Variants in SUGP1 observed in about 807,000 individuals in gnomAD.
SUGP1 encodes SURP and G-patch domain containing 1, also known as SURP and G-patch domain-containing protein 1.
In SUGP1, 34 loss-of-function variants were observed where a neutral mutation model predicts 76.5. That is an observed-to-expected ratio of 0.44 (90% CI 0.34 to 0.59). The LOEUF (loss-of-function observed/expected upper bound fraction) is 0.59. Ranked by LOEUF, SUGP1 falls within the 20% of genes least tolerant of loss-of-function variation. The pLI is 0.01. For synonymous variants in SUGP1, 326 were observed against 326.2 expected (o/e 1.00, Z 0.01); for missense variants, 752 against 851.7 (o/e 0.88, Z 1.46).
chr19:19,282,624 A>T (rs896731032), intron 8 of SUGP1, among the ~76,000 whole-genome samples: 14 of 152,258 alleles, frequency 9.2e-5, no homozygotes, highest in African/African-American at 3.1e-4. Flanking sequence ...ACTAGATATT[A>T]CAGTTGACCT....
chr19:19,279,742 C>CT (rs2061082830), intron 9 of SUGP1, among the ~76,000 whole-genome samples: 1 of 152,220 alleles, frequency 6.6e-6, no homozygotes. Context: ...GGGGAGCCAA[C>CT]ACCGACACTG....
chr19:19,309,094 T>C (rs551233934), intron 3 of SUGP1, among the ~76,000 whole-genome samples: 1 of 152,194 alleles, frequency 6.6e-6, no homozygotes, highest in East Asian at 2.0e-4. Context: ...CTCGAACTCC[T>C]GACCTCAGGT....
intron 2 of SUGP1, 70 bp downstream of exon 2, chr19:19,316,352 G>C (rs1366674720): frequency 6.3e-7 from 1 of 1,580,684 alleles, no homozygotes; most frequent in Non-Finnish European, 8.6e-7. Flanking sequence ...GCCCTCACAA[G>C]CCAAACCCTG....
intron 8 of SUGP1, among the ~76,000 whole-genome samples, chr19:19,293,976 G>A (rs1448518726): frequency 2.0e-5 from 3 of 151,708 alleles, no homozygotes; most frequent in Non-Finnish European, 4.4e-5. Context: ...TTTGAGGCCA[G>A]CAGTTTGAGA....
intron 9 of SUGP1, 125 bp downstream of exon 9, chr19:19,280,060 G>A: frequency 3.2e-6 from 3 of 931,876 alleles, no homozygotes; most frequent in Middle Eastern, 4.8e-4. Flanking sequence ...GCTGGCCATG[G>A]GTTCCACCTG....
At chr19:19,293,061 C>T (rs1254122346) in intron 8 of SUGP1, among the ~76,000 whole-genome samples, 1 of 151,886 alleles carries the variant, frequency 6.6e-6, no homozygotes, top group East Asian at 2.0e-4. Flanking sequence ...CGTGTGCCAC[C>T]ACACCCAGCT....
At chr19:19,278,265 C>T (rs1032692632) in intron 11 of SUGP1, among the ~76,000 whole-genome samples, 1 of 152,108 alleles carries the variant, frequency 6.6e-6, no homozygotes, top group African/African-American at 2.4e-5. Context: ...GGTTATCAGG[C>T]CCTGAACAGT....
At chr19:19,308,669 T>G (rs1192255563) in intron 3 of SUGP1, among the ~76,000 whole-genome samples, 1 of 152,272 alleles carries the variant, frequency 6.6e-6, no homozygotes, top group Non-Finnish European at 1.5e-5. Context: ...AAACCCTGTA[T>G]GCAGAAGACC....
intron 12 of SUGP1, 133 bp downstream of exon 12, chr19:19,277,601 G>T (rs903028230): frequency 8.3e-6 from 10 of 1,202,162 alleles, no homozygotes; most frequent in Admixed American, 2.3e-5. Flanking sequence ...CTGACAAGGG[G>T]TGTGCAGTGG....
intron 1 of SUGP1, among the ~76,000 whole-genome samples, chr19:19,320,042 A>G (rs1639154031): frequency 6.6e-6 from 1 of 152,224 alleles, no homozygotes; most frequent in South Asian, 2.1e-4. Flanking sequence ...AAGACGCGGG[A>G]AAGTGTGTCA....
Position 19,282,231 on chromosome 19 carries a change from T to C in SUGP1, c.1244-1940A>G, listed in dbSNP as rs1280141572. ...CTGACCTCAGGCGATCTGCCCACCT[T>C]GGCCTCCCAAAGTGCTGGGATTACA... is the stretch of plus-strand genomic sequence containing the variant. On this transcript the variant is annotated intron_variant, in intron 8 of 13. Coordinates refer to ENST00000247001, the MANE Select transcript of SUGP1 (RefSeq NM_172231.4). Among the ~76,000 whole-genome samples, 5 of 152,014 alleles carry C rather than the reference T, an allele frequency of 3.3e-5. No homozygotes were observed. The South Asian group carries it at 1.0e-3, about 32-fold the overall frequency.
chr19:19,300,857 A>C (rs756930854), intron 7 of SUGP1, among the ~76,000 whole-genome samples: 1 of 152,070 alleles, frequency 6.6e-6, no homozygotes, highest in African/African-American at 2.4e-5. Flanking sequence ...GGCCACCTGC[A>C]CCAATAGCAT....
intron 1 of SUGP1, 89 bp from the exon 2 acceptor site, chr19:19,316,682 C>T: frequency 7.1e-7 from 1 of 1,402,682 alleles, no homozygotes; most frequent in Non-Finnish European, 9.8e-7. Flanking sequence ...AACTGATGTT[C>T]AGATTAATTT....
intron 3 of SUGP1, among the ~76,000 whole-genome samples, chr19:19,306,821 C>T (rs1389692298): frequency 6.6e-6 from 1 of 152,194 alleles, no homozygotes; most frequent in African/African-American, 2.4e-5. Flanking sequence ...CAGGTGAGGA[C>T]CTGGAGACCA....
intron 10 of SUGP1, among the ~76,000 whole-genome samples, 198 bp downstream of exon 10, chr19:19,279,015 C>G (rs2061075767): frequency 6.6e-6 from 1 of 152,180 alleles, no homozygotes; most frequent in African/African-American, 2.4e-5. Context: ...GTCAGGACTG[C>G]TCCTTTTCAC....
At chr19:19,281,987 T>A (rs2061102322) in intron 8 of SUGP1, among the ~76,000 whole-genome samples, 1 of 152,170 alleles carries the variant, frequency 6.6e-6, no homozygotes, top group Non-Finnish European at 1.5e-5. Context: ...GAACTTTCTT[T>A]CATTTTTCCC....
chr19:19,290,619 G>A lies in SUGP1; in HGVS notation c.1243+6370C>T, dbSNP rs552328171. ...AGATTGTGCCACTGCACTCCAGCCC[G>A]GATAAAAGAGCAAGACTCTGTCTCA... On this transcript the variant is annotated intron_variant, in intron 8 of 13. Transcript: ENST00000247001. Among the ~76,000 whole-genome samples, 20 of 151,852 alleles carry A rather than the reference G, an allele frequency of 1.3e-4. 1 individual carries two copies. The East Asian group carries it at 2.5e-3, about 19-fold the overall frequency.
At chr19:19,283,517 C>T (rs888251154) in intron 8 of SUGP1, among the ~76,000 whole-genome samples, 6 of 151,826 alleles carry the variant, frequency 4.0e-5, no homozygotes, top group South Asian at 2.1e-4. Context: ...TGCAGTGGTA[C>T]GACTTCGGCT....
At chr19:19,309,519 C>T (rs1201250484) in intron 3 of SUGP1, among the ~76,000 whole-genome samples, 2 of 152,070 alleles carry the variant, frequency 1.3e-5, no homozygotes, top group African/African-American at 4.8e-5. Context: ...GTGGCTCACG[C>T]CTATTACCCC....
Sources: gnomAD v4.1 joint callset for allele counts (sites outside exome capture counted in the v4.1 genomes callset) on GRCh38, gnomAD v4.1.1 for gene constraint, MANE v1.5 for transcripts, NCBI Gene and HGNC (gene_info 2026-07-23, HGNC 2026-07-21) for gene names.